Variants in EWSR1 observed in about 807,000 individuals in gnomAD.
EWSR1 encodes RNA-binding protein EWS.
Under a neutral mutation model 92.1 loss-of-function variants are expected in EWSR1, and 14 were observed. The observed-to-expected ratio is 0.15, with a 90% confidence interval of 0.10 to 0.24. EWSR1 has a LOEUF of 0.24. Among genes scored for constraint, EWSR1 ranks in the 10% least tolerant of loss-of-function variants. EWSR1 has a pLI of 1.00. For synonymous variants in EWSR1, 303 were observed against 292.9 expected, an observed-to-expected ratio of 1.03 and a Z score of -0.35; for missense variants, 637 against 870.9, an observed-to-expected ratio of 0.73 and a Z score of 3.38.
At chr22:29,291,885 T>C (rs2060466708) in intron 9 of EWSR1, 1 of 568,530 alleles carries the variant, frequency 1.8e-6, no homozygotes, top group Non-Finnish European at 3.1e-6. Flanking sequence ...TTAACACTGA[T>C]TTGGCACATA....
chr22:29,286,644 G>A (rs1011330073), intron 6 of EWSR1, among the ~76,000 whole-genome samples: 1 of 129,020 alleles, frequency 7.8e-6, no homozygotes, highest in South Asian at 2.4e-4. Flanking sequence ...CGGAGATCAC[G>A]CCACTGCATT....
In EWSR1 at chr22:29,277,825, A is replaced by G. The variant is rs902964942; in HGVS notation, c.227-205A>G. ...GGTGTGGTTTTAGAGCAAATGAGAC[A>G]GTTACTTTACCAAAAACTAGGTACA... On this transcript the variant is annotated intron_variant, in intron 4 of 16. Transcript: ENST00000397938. 3 of 547,180 alleles carry G rather than the reference A, an allele frequency of 5.5e-6. No homozygotes were observed. The South Asian group carries it at 7.5e-5, about 14-fold the overall frequency. 33.9% of individuals were successfully genotyped at this position (547,180 alleles called of 1,614,324 possible).
intron 5 of EWSR1, among the ~76,000 whole-genome samples, chr22:29,279,929 C>G (rs1240170812): frequency 6.6e-6 from 1 of 151,636 alleles, no homozygotes; most frequent in East Asian, 1.9e-4. Flanking sequence ...ATAAGTCATC[C>G]TTTTTTTTTC....
intron 8 of EWSR1, 132 bp downstream of exon 8, chr22:29,288,918 C>G (rs1240437778): frequency 1.1e-5 from 9 of 845,380 alleles, no homozygotes; most frequent in Non-Finnish European, 1.5e-5. Flanking sequence ...CTCAAGCCAT[C>G]TTCTAAAACA....
intron 5 of EWSR1, 64 bp downstream of exon 5, chr22:29,278,280 A>C: frequency 6.8e-7 from 1 of 1,481,182 alleles, no homozygotes; most frequent in Non-Finnish European, 9.2e-7. Flanking sequence ...AACTGTGTAC[A>C]CTTAAAATAA....
Position 29,300,292 on chromosome 22 carries a change from A to G in EWSR1, c.*131A>G, listed in dbSNP as rs2061248985. ...GATTATTCCTTGTCTGTACTTTAGT[A>G]TTTTTCACCATTTGTGAAGAAACAT... On this transcript the variant is annotated 3_prime_UTR_variant, in exon 17 of 17. Coordinates refer to ENST00000397938, the MANE Select transcript of EWSR1 (RefSeq NM_005243.4). 6 of 860,388 alleles carry G rather than the reference A, an allele frequency of 7.0e-6. No homozygotes were observed. The East Asian group carries it at 8.6e-5, about 12-fold the overall frequency. 53.3% of individuals were successfully genotyped at this position (860,388 alleles called of 1,614,324 possible).
intron 8 of EWSR1, 33 bp from the exon 9 acceptor site, chr22:29,291,529 G>GAA (rs2060441492): frequency 6.2e-7 from 1 of 1,609,838 alleles, no homozygotes; most frequent in Non-Finnish European, 8.5e-7. Flanking sequence ...CTTTTAAAGG[G>GAA]AAAGGCCTTC....
intron 8 of EWSR1, chr22:29,291,109 T>G: frequency 4.2e-6 from 1 of 238,960 alleles, no homozygotes; most frequent in Admixed American, 5.5e-5. Context: ...GCTTTTATTA[T>G]ACTGTGACTT....
intron 9 of EWSR1, 179 bp from the exon 10 acceptor site, chr22:29,291,958 C>T: frequency 1.6e-6 from 1 of 640,258 alleles, no homozygotes; most frequent in Non-Finnish European, 2.7e-6. Context: ...AAAGCAAACC[C>T]TAGCAAACCT....
chr22:29,278,521 C>G (rs1387294049), intron 5 of EWSR1, among the ~76,000 whole-genome samples: 1 of 151,626 alleles, frequency 6.6e-6, no homozygotes, highest in African/African-American at 2.4e-5. Context: ...AACCCCGTCT[C>G]TACTAAAAAT....
chr22:29,288,957 A>C, intron 8 of EWSR1, 171 bp downstream of exon 8: 1 of 626,770 alleles, frequency 1.6e-6, no homozygotes, highest in Non-Finnish European at 2.5e-6. Flanking sequence ...GGCATATATT[A>C]AGTGGCAGTT....
At chr22:29,293,132 T>C (rs1387014260) in intron 11 of EWSR1, among the ~76,000 whole-genome samples, 1 of 152,198 alleles carries the variant, frequency 6.6e-6, no homozygotes, top group Non-Finnish European at 1.5e-5. Context: ...CACAGCCTCT[T>C]GAGGTAGCTG....
intron 11 of EWSR1, 32 bp from the exon 12 acceptor site, chr22:29,296,207 A>C (rs1469520178): frequency 1.2e-6 from 2 of 1,606,940 alleles, no homozygotes; most frequent in East Asian, 2.2e-5. Flanking sequence ...AGTATATTCT[A>C]GTCATGCCTA....
chr22:29,281,025 A>G (rs2059556408), intron 5 of EWSR1, among the ~76,000 whole-genome samples: 1 of 151,018 alleles, frequency 6.6e-6, no homozygotes. Context: ...GACTACAGGC[A>G]CCCACCATGA....
Position 29,297,833 on chromosome 22 carries a change from A to G in EWSR1, c.1301A>G (p.Asp434Gly). Reference sequence around the variant, plus strand: ...TTCTGTTGTCTTGTTCCAGGGAAAGATTTTCAAGGGAGCAAACTTAAAGTC... The same window carrying G: ...TTCTGTTGTCTTGTTCCAGGGAAAGGTTTTCAAGGGAGCAAACTTAAAGTC... ...KAAVEWFDGK[D>G]FQGSKLKVSL... Residue 434 changes from aspartate (D) to glycine (G), a missense_variant, in exon 13 of 17, where the codon GAT becomes GGT. This residue lies in a region of EWSR1 where 363 missense variants were observed against 447.8 expected (regional missense o/e 0.81). Coordinates refer to ENST00000397938, the MANE Select transcript of EWSR1 (RefSeq NM_005243.4). 1 of 1,613,892 alleles carries G rather than the reference A, an allele frequency of 6.2e-7. No homozygotes were observed. Among genetic ancestry groups the G allele is most frequent in the Non-Finnish European group, 8.5e-7 (1 of 1,179,942 alleles).
In EWSR1 at chr22:29,288,643, T is replaced by C; in HGVS notation, c.831T>C (p.Val277=). ...FRQDHPSSMG[V]YGQESGGFSG... ...AGGACCACCCCAGTAGCATGGGTGT[T>C]TATGGGCAGGAGTCTGGAGGATTTT... The change falls in exon 8 of 17, where the codon GTT becomes GTC. Residue 277 remains valine, a synonymous_variant. Transcript: ENST00000397938. 1 of 1,613,412 alleles carries C rather than the reference T, an allele frequency of 6.2e-7. No homozygotes were observed. Among genetic ancestry groups the C allele is most frequent in the Non-Finnish European group, 8.5e-7 (1 of 1,179,794 alleles).
rs200360700 is a variant in EWSR1 at position 29,296,338 on chromosome 22, A to G, written c.1264A>G (p.Thr422Ala). ...DATVSYEDPP[T>A]AKAAVEWFDG... ...CACAGTGTCCTATGAAGACCCACCCACTGCCAAGGCTGCCGTGGAATGGTT... is the reference window on the plus strand; with the variant it reads ...CACAGTGTCCTATGAAGACCCACCCGCTGCCAAGGCTGCCGTGGAATGGTT... The change falls in exon 12 of 17, where the codon ACT becomes GCT. Residue 422 changes from threonine to alanine, a missense_variant. Around this residue, in one of 5 missense-constraint regions of EWSR1, gnomAD observed 363 missense variants for 447.8 expected, o/e 0.81. Coordinates refer to ENST00000397938, the MANE Select transcript of EWSR1 (RefSeq NM_005243.4). 5.0e-6 allele frequency: 8 copies of G among 1,614,156 alleles called. No homozygotes were observed. In the African/African-American group the frequency reaches 1.1e-4, roughly 22 times the overall value.
chr22:29,288,355 C>CT (rs1184543822), intron 7 of EWSR1, among the ~76,000 whole-genome samples: 2 of 151,990 alleles, frequency 1.3e-5, no homozygotes, highest in Non-Finnish European at 2.9e-5. Context: ...AGCCAGAGGG[C>CT]TTTTTTTGTT....
Position 29,280,876 on chromosome 22 carries a change from T to G in EWSR1, c.414-1514T>G, listed in dbSNP as rs1476819878. On this transcript the variant is annotated intron_variant, in intron 5 of 16. Transcript: ENST00000397938. Reference sequence around the variant, plus strand: ...GTGTGTGTGTTGTTTTTTTTTTTTTTTTTTTTTTTTTTTTTTTTTTTTTGA... The same window carrying G: ...GTGTGTGTGTTGTTTTTTTTTTTTTGTTTTTTTTTTTTTTTTTTTTTTTGA... Among the ~76,000 whole-genome samples the G allele has an allele frequency of 4.9e-3, 515 of 104,950 alleles. 21 individuals carry two copies. The highest frequency in any genetic ancestry group is 0.017 in the African/African-American group (496 of 28,716). 68.9% of individuals were successfully genotyped at this position (104,950 alleles called of 152,430 possible).
Sources: allele counts gnomAD v4.1 joint callset (sites outside exome capture counted in the v4.1 genomes callset), GRCh38; gene constraint gnomAD v4.1.1; regional missense constraint gnomAD v4.1.1; transcripts MANE v1.5; gene names NCBI Gene and HGNC (gene_info 2026-07-23, HGNC 2026-07-21).